The following RAB7A variants were observed in gnomAD, a reference collection of about 807,000 sequenced individuals.
RAB7A encodes ras-related protein Rab-7a.
A neutral mutation model predicts 24.5 loss-of-function variants in RAB7A; 2 were observed. The observed-to-expected ratio is 0.08, with a 90% CI of 0.03 to 0.26. The LOEUF is 0.26. RAB7A is among the 10% of genes least tolerant of loss of function. The probability of loss-of-function intolerance (pLI) is 1.00; values close to 1 mark genes in which losing one functional copy is unlikely to be tolerated. For synonymous variants in RAB7A, 100 were observed against 95.9 expected, an observed-to-expected ratio of 1.04 and a Z score of -0.25; for missense variants, 118 against 255.7, an observed-to-expected ratio of 0.46 and a Z score of 3.67.
chr3:128,779,726 G>C (rs1324962108), intron 1 of RAB7A, among the ~76,000 whole-genome samples: 1 of 152,074 alleles, frequency 6.6e-6, no homozygotes, highest in Non-Finnish European at 1.5e-5. Flanking sequence ...TGAGTAGCTG[G>C]GAGTAGGCAC....
chr3:128,741,374 C>T (rs991993660), intron 1 of RAB7A, among the ~76,000 whole-genome samples: 4 of 151,996 alleles, frequency 2.6e-5, no homozygotes, highest in Non-Finnish European at 5.9e-5. Context: ...ACAATAAAAA[C>T]AATGTTTTCT....
chr3:128,735,873 T>A (rs1361226956), intron 1 of RAB7A, among the ~76,000 whole-genome samples: 1 of 152,212 alleles, frequency 6.6e-6, no homozygotes, highest in Non-Finnish European at 1.5e-5. Flanking sequence ...AAGGCAGGAA[T>A]CATCCTGGTC....
chr3:128,741,917 G>A (rs943035966), intron 1 of RAB7A, among the ~76,000 whole-genome samples: 3 of 151,856 alleles, frequency 2.0e-5, no homozygotes, highest in African/African-American at 7.3e-5. Context: ...GGCCTCCCAG[G>A]CTCAGGCGAT....
intron 1 of RAB7A, among the ~76,000 whole-genome samples, chr3:128,742,824 C>G (rs1348638986): frequency 6.6e-6 from 1 of 152,260 alleles, no homozygotes; most frequent in Non-Finnish European, 1.5e-5. Flanking sequence ...CATAAAAGTT[C>G]TTCAAGTCCC....
At chr3:128,750,799 C>T (rs11706409) in intron 1 of RAB7A, among the ~76,000 whole-genome samples, 9,002 of 152,276 alleles carry the variant, frequency 0.059, 384 homozygotes, top group Non-Finnish European at 0.086. Flanking sequence ...TGTCAGAGGT[C>T]CTCATGGCAG....
chr3:128,807,729 C>A, intron 5 of RAB7A, 58 bp downstream of exon 5: 1 of 1,611,118 alleles, frequency 6.2e-7, no homozygotes, highest in Non-Finnish European at 8.5e-7. Context: ...TGACCCAGTC[C>A]CTGCCTGGCC....
chr3:128,765,632 A>G (rs1439128408), intron 1 of RAB7A, among the ~76,000 whole-genome samples: 6 of 152,046 alleles, frequency 3.9e-5, no homozygotes. Context: ...GGTGTCTTTT[A>G]TGTGTCCTCA....
At chr3:128,794,434 A>G (rs1933524723) in intron 1 of RAB7A, among the ~76,000 whole-genome samples, 1 of 152,244 alleles carries the variant, frequency 6.6e-6, no homozygotes, top group African/African-American at 2.4e-5. Context: ...ACCAGAATAG[A>G]AATCCCTGTG....
chr3:128,807,524 A>G lies in RAB7A; in HGVS notation c.400-19A>G. 1 of 1,613,670 alleles carries G rather than the reference A, an allele frequency of 6.2e-7. No individual in the cohort carries two copies. Among genetic ancestry groups the G allele is most frequent in the Non-Finnish European group, 8.5e-7 (1 of 1,179,950 alleles). On this transcript the variant is annotated intron_variant, in intron 4 of 5. Transcript: ENST00000265062. ...CTGCTTCTGTCATGAGCCTATGTGCACCCTGCTTCTTCTTTCAGGTGGCCA... is the reference window on the plus strand; with the variant it reads ...CTGCTTCTGTCATGAGCCTATGTGCGCCCTGCTTCTTCTTTCAGGTGGCCA...
chr3:128,752,377 G>A (rs1048171386), intron 1 of RAB7A, among the ~76,000 whole-genome samples: 4 of 151,350 alleles, frequency 2.6e-5, no homozygotes, highest in Non-Finnish European at 5.9e-5. Flanking sequence ...AATTTAAAAA[G>A]TGGGACAAAA....
At chr3:128,785,588 A>G (rs144271783) in intron 1 of RAB7A, 6,310 of 152,080 alleles carry the variant, frequency 0.041, 179 homozygotes, top group Non-Finnish European at 0.058. Flanking sequence ...GTGAAACCCC[A>G]TCTCTACTAA....
intron 1 of RAB7A, among the ~76,000 whole-genome samples, chr3:128,738,969 A>G (rs1241892129): frequency 1.3e-5 from 2 of 152,312 alleles, no homozygotes; most frequent in Non-Finnish European, 2.9e-5. Flanking sequence ...TTTCTGAAAA[A>G]CGAGAGTAAT....
At chr3:128,732,317 C>CGT (rs1306636065) in intron 1 of RAB7A, among the ~76,000 whole-genome samples, 3 of 151,700 alleles carry the variant, frequency 2.0e-5, no homozygotes, top group African/African-American at 4.8e-5. Context: ...GGATTACAGG[C>CGT]GTGAACCACC....
Position 128,813,608 on chromosome 3 carries a change from CACACACACACAG to C in RAB7A, c.*188_*199del. 1 of 609,970 alleles carries C rather than the reference CACACACACACAG, an allele frequency of 1.6e-6. No individual in the cohort carries two copies. The highest frequency in any genetic ancestry group is 3.1e-6 in the Non-Finnish European group (1 of 327,206). The allele number at this position is 609,970 out of a possible 1,614,324, so 37.8% of individuals were successfully genotyped here. A position where few individuals can be genotyped will look rare whatever the true frequency, so the allele number is the denominator to read the frequency against. ...TCTCACACACACACACACACGCACA[CACACACACACAG>C]ATCTGACGTAATCAAACTCCAGCCC... On this transcript the variant is annotated 3_prime_UTR_variant, in exon 6 of 6. Transcript: ENST00000265062.
intron 1 of RAB7A, among the ~76,000 whole-genome samples, chr3:128,735,075 G>GAACTATGT (rs2070478278): frequency 6.6e-6 from 1 of 152,142 alleles, no homozygotes; most frequent in Admixed American, 6.5e-5. Flanking sequence ...TCATTTAACA[G>GAACTATGT]GTTTTTCTTC....
At chr3:128,802,922 G>A (rs9883244) in intron 3 of RAB7A, among the ~76,000 whole-genome samples, 42,043 of 151,666 alleles carry the variant, frequency 0.28, 7,476 homozygotes, top group African/African-American at 0.5. Context: ...CTCCTGCCTC[G>A]GCCTCCCAAG....
chr3:128,805,365 T>G (rs1209648936), intron 3 of RAB7A, among the ~76,000 whole-genome samples: 1 of 152,188 alleles, frequency 6.6e-6, no homozygotes, highest in Non-Finnish European at 1.5e-5. Context: ...TTTTTGCCCT[T>G]CATCCTTATA....
chr3:128,737,825 G>GTTTTTTTTTT (rs56027163), intron 1 of RAB7A, among the ~76,000 whole-genome samples: 4 of 59,490 alleles, frequency 6.7e-5, no homozygotes, highest in Non-Finnish European at 9.0e-5. Context: ...TTTTTTTGTA[G>GTTTTTTTTTT]TTTTTTTTTT....
intron 1 of RAB7A, among the ~76,000 whole-genome samples, chr3:128,760,820 A>G (rs2107596050): frequency 6.6e-6 from 1 of 152,356 alleles, no homozygotes; most frequent in Non-Finnish European, 1.5e-5. Context: ...AGGGGAACCT[A>G]GGCAAAATCA....
Sources: allele counts gnomAD v4.1 joint callset (sites outside exome capture counted in the v4.1 genomes callset), GRCh38; gene constraint gnomAD v4.1.1; transcripts MANE v1.5; gene names NCBI Gene and HGNC (gene_info 2026-07-23, HGNC 2026-07-21).